Variants in ARHGAP42 observed in about 807,000 individuals in gnomAD.
ARHGAP42 encodes the protein Rho GTPase activating protein 42.
Under a neutral mutation model 125.0 loss-of-function variants are expected in ARHGAP42, and 63 were observed. The observed-to-expected ratio is 0.50, with a 90% CI of 0.41 to 0.62. The LOEUF is 0.62. Among genes scored for constraint, ARHGAP42 ranks in the 20% least tolerant of loss-of-function variants. The pLI, the probability that ARHGAP42 is intolerant of heterozygous loss-of-function variation, is 0.00. For missense variants in ARHGAP42, 766 were observed against 1,024.2 expected, an observed-to-expected ratio of 0.75 and a Z score of 3.44; for synonymous variants, 339 against 351.0, an observed-to-expected ratio of 0.97 and a Z score of 0.38.
chr11:100,699,263 TTTTTG>T (rs1861348274), intron 1 of ARHGAP42, among the ~76,000 whole-genome samples: 1 of 151,810 alleles, frequency 6.6e-6, no homozygotes, highest in Non-Finnish European at 1.5e-5. Flanking sequence ...TTTGTATTCC[TTTTTG>T]TTCAGTTATA....
intron 3 of ARHGAP42, among the ~76,000 whole-genome samples, chr11:100,805,297 AT>A (rs2135049812): frequency 6.6e-6 from 1 of 152,366 alleles, no homozygotes; most frequent in South Asian, 2.1e-4. Context: ...TACAGATTCC[AT>A]TAATAACAAT....
chr11:100,965,875 ATAAT>A (rs1431377320), intron 17 of ARHGAP42, 99 bp downstream of exon 17: 2 of 1,059,770 alleles, frequency 1.9e-6, no homozygotes. Flanking sequence ...CATTGGTATT[ATAAT>A]TAGAGTCCAT....
intron 3 of ARHGAP42, among the ~76,000 whole-genome samples, chr11:100,800,430 G>T (rs1267089763): frequency 2.6e-5 from 4 of 152,152 alleles, no homozygotes; most frequent in Non-Finnish European, 5.9e-5. Flanking sequence ...GGATGTAGCT[G>T]AGCTGGGAGA....
intron 6 of ARHGAP42, among the ~76,000 whole-genome samples, chr11:100,924,854 G>A (rs868768830): frequency 3.9e-5 from 6 of 151,982 alleles, no homozygotes; most frequent in Non-Finnish European, 1.5e-5. Flanking sequence ...TTGAGATGGA[G>A]TGTCGCCCTG....
intron 1 of ARHGAP42, among the ~76,000 whole-genome samples, chr11:100,729,676 A>T (rs1861920651): frequency 6.6e-6 from 1 of 152,166 alleles, no homozygotes; most frequent in Non-Finnish European, 1.5e-5. Context: ...AACATTTCTA[A>T]ACGTATTATT....
intron 22 of ARHGAP42, among the ~76,000 whole-genome samples, chr11:100,979,520 A>G (rs1215053933): frequency 1.3e-5 from 2 of 152,178 alleles, no homozygotes; most frequent in Non-Finnish European, 2.9e-5. Context: ...AGGGGTTCTC[A>G]GATTTTACAT....
At chr11:100,771,491 G>C (rs1862976861) in intron 2 of ARHGAP42, among the ~76,000 whole-genome samples, 1 of 152,140 alleles carries the variant, frequency 6.6e-6, no homozygotes, top group South Asian at 2.1e-4. Context: ...GTATATTTTA[G>C]AGGATATTAC....
At chr11:100,727,514 A>T (rs892189830) in intron 1 of ARHGAP42, among the ~76,000 whole-genome samples, 1 of 152,092 alleles carries the variant, frequency 6.6e-6, no homozygotes, top group Non-Finnish European at 1.5e-5. Context: ...GAAGCCTTGA[A>T]CTTTCAGCTC....
intron 3 of ARHGAP42, among the ~76,000 whole-genome samples, chr11:100,799,887 G>A (rs982504630): frequency 6.6e-6 from 1 of 152,150 alleles, no homozygotes; most frequent in Non-Finnish European, 1.5e-5. Context: ...TAGTAGAAAT[G>A]TGAAATGGTA....
rs1278986169 is a variant in ARHGAP42 at position 100,992,107 on chromosome 11, C to A, written c.*3306C>A. ...GAAAAGGGTATCATTCATGTGGTTT[C>A]AGTTTAGAAGAGTCCCTCAGAGCTT... On this transcript the variant is annotated 3_prime_UTR_variant, in exon 24 of 24. Transcript: ENST00000298815. The A allele has an allele frequency of 1.8e-6, 1 of 565,050 alleles. No homozygotes were observed. The highest frequency in any genetic ancestry group is 3.1e-6 in the Non-Finnish European group (1 of 327,456). 35.0% of individuals were successfully genotyped at this position (565,050 alleles called of 1,614,324 possible).
At chr11:100,749,417 CA>C (rs1367143962) in intron 1 of ARHGAP42, among the ~76,000 whole-genome samples, 1 of 150,644 alleles carries the variant, frequency 6.6e-6, no homozygotes, top group Non-Finnish European at 1.5e-5. Context: ...ACTAAACCCT[CA>C]AACCAGGGAT....
chr11:100,848,823 G>A (rs1865133441), intron 3 of ARHGAP42, among the ~76,000 whole-genome samples: 1 of 152,074 alleles, frequency 6.6e-6, no homozygotes, highest in Non-Finnish European at 1.5e-5. Flanking sequence ...TTTTTAGGAG[G>A]CAAAAGAAAG....
At chr11:100,742,427 A>C (rs985183457) in intron 1 of ARHGAP42, among the ~76,000 whole-genome samples, 3 of 152,118 alleles carry the variant, frequency 2.0e-5, no homozygotes, top group African/African-American at 7.2e-5. Flanking sequence ...CTACTTTTCA[A>C]GGTTCAGATA....
chr11:100,805,468 A>T (rs1483245009), intron 3 of ARHGAP42, among the ~76,000 whole-genome samples: 1 of 152,204 alleles, frequency 6.6e-6, no homozygotes, highest in Non-Finnish European at 1.5e-5. Context: ...TGTTACTGAA[A>T]AGGGATCCCG....
intron 2 of ARHGAP42, among the ~76,000 whole-genome samples, chr11:100,786,542 C>T (rs915363224): frequency 2.0e-5 from 3 of 152,014 alleles, no homozygotes; most frequent in Non-Finnish European, 2.9e-5. Flanking sequence ...GCCTAGTATA[C>T]ATATATGAGT....
intron 3 of ARHGAP42, among the ~76,000 whole-genome samples, chr11:100,803,829 C>T (rs1266864320): frequency 3.9e-5 from 6 of 152,116 alleles, no homozygotes; most frequent in Non-Finnish European, 8.8e-5. Context: ...GGGGAAGCTT[C>T]AACTTCAAAA....
rs111704101 is a variant in ARHGAP42, at chr11:100,720,313, G to T, written c.154+32481G>T. 2.8e-3 allele frequency among the ~76,000 whole-genome samples: 427 copies of T among 152,256 alleles called. 2 individuals are homozygous for T. Among genetic ancestry groups the T allele is most frequent in the African/African-American group, 9.9e-3 (412 of 41,540 alleles). On this transcript the variant is annotated intron_variant, in intron 1 of 23. Coordinates refer to ENST00000298815, the MANE Select transcript of ARHGAP42 (RefSeq NM_152432.4). ...TAAAACCTAAAGCAAAAAGTTTAAG[G>T]TGGGATTCCATATGTAAGTTGTTCC...
chr11:100,898,522 T>A (rs1344902924), intron 4 of ARHGAP42, among the ~76,000 whole-genome samples: 1 of 152,208 alleles, frequency 6.6e-6, no homozygotes, highest in Non-Finnish European at 1.5e-5. Context: ...TTTCAGAGCC[T>A]GTTATTGGTC....
chr11:100,980,638 T>G (rs1411741395), intron 22 of ARHGAP42, among the ~76,000 whole-genome samples: 1 of 140,820 alleles, frequency 7.1e-6, no homozygotes, highest in Non-Finnish European at 1.5e-5. Context: ...TGGTGCGATC[T>G]TGGCTCACTG....
Sources: gnomAD v4.1 joint callset for allele counts (sites outside exome capture counted in the v4.1 genomes callset) on GRCh38, gnomAD v4.1.1 for gene constraint, MANE v1.5 for transcripts, NCBI Gene and HGNC (gene_info 2026-07-23, HGNC 2026-07-21) for gene names.